CDKL4: variants seen among roughly 807,000 people sequenced by gnomAD.
CDKL4 encodes the protein cyclin-dependent kinase-like 4.
Under a neutral mutation model 42.0 loss-of-function variants are expected in CDKL4, and 44 were observed. The observed-to-expected ratio is 1.05, with a 90% confidence interval of 0.82 to 1.35. CDKL4 has a LOEUF of 1.35. CDKL4 is among the 40% of genes most tolerant of loss of function. The pLI, the probability that CDKL4 is intolerant of heterozygous loss-of-function variation, is 0.00. For synonymous variants in CDKL4, 120 were observed against 121.6 expected (o/e 0.99, Z 0.09); for missense variants, 393 against 369.9 (o/e 1.06, Z -0.51).
intron 9 of CDKL4, 131 bp downstream of exon 9, chr2:39,179,056 G>A: frequency 6.7e-7 from 1 of 1,501,818 alleles, no homozygotes; most frequent in South Asian, 1.4e-5. Context: ...TATTTATTAA[G>A]CTAGACAAAT....
intron 3 of CDKL4, among the ~76,000 whole-genome samples, chr2:39,216,275 C>A (rs1307769494): frequency 6.6e-6 from 1 of 152,060 alleles, no homozygotes; most frequent in South Asian, 2.1e-4. Flanking sequence ...GGGATTGAGA[C>A]CCCTGTACAA....
At chr2:39,203,666 ACAT>A (rs1173252162) in intron 5 of CDKL4, among the ~76,000 whole-genome samples, 3 of 152,148 alleles carry the variant, frequency 2.0e-5, no homozygotes, top group Non-Finnish European at 4.4e-5. Context: ...AACTCTGCAA[ACAT>A]CCCTACTAAT....
At chr2:39,230,751 T>C (rs370630362) in intron 1 of CDKL4, among the ~76,000 whole-genome samples, 5 of 152,212 alleles carry the variant, frequency 3.3e-5, no homozygotes, top group African/African-American at 7.2e-5. Flanking sequence ...ACAAATTACA[T>C]AGAATGTGCA....
At chr2:39,190,498 T>C (rs998408650) in exon 6 of CDKL4, 4 of 1,614,016 alleles carry the variant, frequency 2.5e-6, no homozygotes, top group Non-Finnish European at 1.7e-6. Flanking sequence ...AGGCATCTCC[T>C]GGAACTGCAA....
intron 3 of CDKL4, among the ~76,000 whole-genome samples, chr2:39,218,451 T>C (rs1455255145): frequency 1.3e-5 from 2 of 152,174 alleles, no homozygotes; most frequent in African/African-American, 4.8e-5. Flanking sequence ...GTGAGCCATG[T>C]TCAGGCCACT....
chr2:39,194,469 G>A (rs1676389965), intron 5 of CDKL4, among the ~76,000 whole-genome samples: 2 of 152,166 alleles, frequency 1.3e-5, no homozygotes, highest in African/African-American at 2.4e-5. Context: ...GTGAGACTCT[G>A]TCTCAAAACA....
chr2:39,193,495 C>T (rs1227225392), intron 5 of CDKL4, among the ~76,000 whole-genome samples: 8 of 151,908 alleles, frequency 5.3e-5, no homozygotes, highest in Admixed American at 3.9e-4. Flanking sequence ...CCTGCCTCAG[C>T]CTCCCAAGTA....
chr2:39,237,455 G>A (rs1477539882), intron 1 of CDKL4, among the ~76,000 whole-genome samples: 1 of 152,106 alleles, frequency 6.6e-6, no homozygotes, highest in Non-Finnish European at 1.5e-5. Context: ...TTACCCCTAA[G>A]ACTGGAAAAA....
chr2:39,221,001 G>GTTTTTTT (rs1678311355), intron 3 of CDKL4, among the ~76,000 whole-genome samples: 5 of 78,800 alleles, frequency 6.3e-5, no homozygotes, highest in Non-Finnish European at 9.2e-5. Context: ...TTTTTTTTTT[G>GTTTTTTT]TTTTTTTTTT....
chr2:39,178,775 T>C (rs768830439), intron 9 of CDKL4: 6 of 1,588,894 alleles, frequency 3.8e-6, no homozygotes, highest in South Asian at 2.3e-5. Flanking sequence ...GGTGAAAAGA[T>C]GGAAGAGTCA....
intron 5 of CDKL4, among the ~76,000 whole-genome samples, chr2:39,201,064 T>C (rs1040896110): frequency 1.3e-5 from 2 of 152,030 alleles, no homozygotes; most frequent in African/African-American, 2.4e-5. Context: ...TCACAATCTA[T>C]ACATCCAACA....
At chr2:39,206,277 C>T (rs1677182960) in intron 4 of CDKL4, among the ~76,000 whole-genome samples, 1 of 152,140 alleles carries the variant, frequency 6.6e-6, no homozygotes, top group African/African-American at 2.4e-5. Context: ...GCTGGTTTCA[C>T]CATGTTGTTG....
chr2:39,201,431 A>G (rs1676839000), intron 5 of CDKL4, among the ~76,000 whole-genome samples: 1 of 152,208 alleles, frequency 6.6e-6, no homozygotes, highest in African/African-American at 2.4e-5. Flanking sequence ...AAGAACTAAA[A>G]GTAGATCTAC....
intron 8 of CDKL4, among the ~76,000 whole-genome samples, chr2:39,184,385 C>G (rs1400651867): frequency 6.6e-6 from 1 of 152,190 alleles, no homozygotes; most frequent in Non-Finnish European, 1.5e-5. Flanking sequence ...TTTGCCTCAT[C>G]TACTAATGTT....
chr2:39,224,149 T>C (rs1678550579), intron 3 of CDKL4, among the ~76,000 whole-genome samples: 1 of 152,212 alleles, frequency 6.6e-6, no homozygotes, highest in South Asian at 2.1e-4. Flanking sequence ...CAATATCTCA[T>C]TTCTATTTTA....
intron 5 of CDKL4, among the ~76,000 whole-genome samples, chr2:39,202,957 A>C (rs573616025): frequency 1.4e-4 from 21 of 152,212 alleles, no homozygotes; most frequent in Non-Finnish European, 3.1e-4. Flanking sequence ...ACAAGTTGGC[A>C]GTGTCTTGTA....
intron 4 of CDKL4, among the ~76,000 whole-genome samples, chr2:39,205,329 A>G (rs1028731363): frequency 2.0e-4 from 30 of 152,228 alleles, no homozygotes; most frequent in Admixed American, 9.8e-4. Flanking sequence ...CTGCCACCCA[A>G]GAGTCACAAT....
intron 4 of CDKL4, among the ~76,000 whole-genome samples, chr2:39,213,070 T>TTCTGTAAGAA (rs1186778427): frequency 6.6e-6 from 1 of 152,184 alleles, no homozygotes; most frequent in Non-Finnish European, 1.5e-5. Flanking sequence ...GAATTAGCAA[T>TTCTGTAAGAA]TTGATTCTTA....
exon 6 of CDKL4, chr2:39,190,310 G>A (rs1270475702): frequency 1.2e-6 from 2 of 1,613,728 alleles, no homozygotes; most frequent in South Asian, 1.1e-5. Flanking sequence ...CATACCTAGT[G>A]TTCTGATTAT....
Sources: gnomAD v4.1 joint callset for allele counts (sites outside exome capture counted in the v4.1 genomes callset) on GRCh38, gnomAD v4.1.1 for gene constraint, MANE v1.5 for transcripts, NCBI Gene and HGNC (gene_info 2026-07-23, HGNC 2026-07-21) for gene names.